Variants in MACROD2 observed in about 807,000 individuals in gnomAD.
MACROD2 encodes the protein ADP-ribose glycohydrolase MACROD2.
In MACROD2, 36 loss-of-function variants were observed where a neutral mutation model predicts 70.4. The observed-to-expected ratio is 0.51, with a 90% CI of 0.39 to 0.68. MACROD2 has a LOEUF of 0.68. MACROD2 is among the 30% of genes least tolerant of loss of function. The probability of loss-of-function intolerance (pLI) is 0.00; values close to 1 mark genes in which losing one functional copy is unlikely to be tolerated. For missense variants in MACROD2, 496 were observed against 538.4 expected (o/e 0.92, Z 0.78); for synonymous variants, 172 against 178.8 (o/e 0.96, Z 0.30).
intron 3 of MACROD2, among the ~76,000 whole-genome samples, chr20:14,250,593 T>C (rs1309658439): frequency 6.6e-6 from 1 of 152,178 alleles, no homozygotes; most frequent in Non-Finnish European, 1.5e-5. Context: ...AAATTCTTGA[T>C]TGGGGAATTG....
At chr20:15,018,087 G>A (rs913219192) in intron 5 of MACROD2, among the ~76,000 whole-genome samples, 6 of 152,070 alleles carry the variant, frequency 3.9e-5, no homozygotes, top group South Asian at 2.1e-4. Context: ...CTTTTCTATC[G>A]AATAGTCAGG....
In MACROD2 at chr20:15,895,659, G is replaced by A. The variant is rs1021732397; in HGVS notation, c.775+9848G>A. The stretch of plus-strand genomic sequence containing the variant: ...GGGCCTGGTGGCGGCAGCCTGGGCA[G>A]GAGGACCACAGCCGCTTATAAAAAA... On this transcript the variant is annotated intron_variant, in intron 10 of 17. Coordinates refer to ENST00000684519, the MANE Select transcript of MACROD2 (RefSeq NM_001351661.2). 4.6e-5 allele frequency among the ~76,000 whole-genome samples: 7 copies of A among 152,304 alleles called. No individual in the cohort carries two copies. The South Asian group carries it at 1.5e-3, about 32-fold the overall frequency.
chr20:14,194,592 C>G (rs891133010), intron 3 of MACROD2, among the ~76,000 whole-genome samples: 4 of 152,154 alleles, frequency 2.6e-5, no homozygotes, highest in East Asian at 1.9e-4. Context: ...TAACACAGCT[C>G]TAACTCCACT....
chr20:14,844,311 C>T (rs1008930604), intron 5 of MACROD2, among the ~76,000 whole-genome samples: 20 of 151,876 alleles, frequency 1.3e-4, no homozygotes, highest in East Asian at 1.9e-4. Flanking sequence ...GTTAGGAGTT[C>T]GAGACCAGCC....
At chr20:14,483,010 T>C (rs1202067656) in intron 3 of MACROD2, among the ~76,000 whole-genome samples, 2 of 152,196 alleles carry the variant, frequency 1.3e-5, no homozygotes, top group East Asian at 1.9e-4. Context: ...CTTCATTAGC[T>C]TCTTTGGGGG....
At chr20:15,121,525 A>AAAAG (rs1555784794) in intron 5 of MACROD2, among the ~76,000 whole-genome samples, 4 of 151,312 alleles carry the variant, frequency 2.6e-5, no homozygotes, top group African/African-American at 9.7e-5. Context: ...AAAAAAAAAA[A>AAAAG]AAAAAGAAAA....
chr20:14,938,940 A>ATTTTTTT (rs1230863391), intron 5 of MACROD2, among the ~76,000 whole-genome samples: 33 of 86,448 alleles, frequency 3.8e-4, no homozygotes, highest in East Asian at 1.3e-3. Context: ...GTTAAATCAG[A>ATTTTTTT]TTTTTTTTTT....
At chr20:15,000,700 A>T (rs2074988491) in intron 5 of MACROD2, among the ~76,000 whole-genome samples, 1 of 149,288 alleles carries the variant, frequency 6.7e-6, no homozygotes, top group South Asian at 2.1e-4. Context: ...GTGAAAGTTC[A>T]TCCAGCCATA....
chr20:15,418,651 G>C (rs1188805579), intron 6 of MACROD2, among the ~76,000 whole-genome samples: 1 of 152,150 alleles, frequency 6.6e-6, no homozygotes, highest in African/African-American at 2.4e-5. Flanking sequence ...ACCAGGGATT[G>C]ACTCAAAGCC....
chr20:14,926,225 T>A (rs939566053), intron 5 of MACROD2, among the ~76,000 whole-genome samples: 2 of 152,042 alleles, frequency 1.3e-5, no homozygotes, highest in African/African-American at 4.8e-5. Flanking sequence ...TTTTTGTTAA[T>A]TGAGAAATAT....
intron 12 of MACROD2, among the ~76,000 whole-genome samples, chr20:15,942,762 T>C (rs975075821): frequency 1.3e-5 from 2 of 152,142 alleles, no homozygotes; most frequent in African/African-American, 2.4e-5. Flanking sequence ...TTTTCAACAC[T>C]TCCAATAGCT....
chr20:15,585,284 G>A (rs944194665), intron 8 of MACROD2, among the ~76,000 whole-genome samples: 9 of 150,158 alleles, frequency 6.0e-5, no homozygotes, highest in African/African-American at 1.2e-4. Flanking sequence ...TGCAACCTCC[G>A]CCTCCTGGGT....
intron 13 of MACROD2, among the ~76,000 whole-genome samples, chr20:15,976,659 T>A (rs1476758092): frequency 4.6e-5 from 7 of 152,206 alleles, no homozygotes; most frequent in African/African-American, 9.7e-5. Flanking sequence ...CTTTGTGCAA[T>A]ACGCCAAAGC....
At chr20:16,009,865 C>A (rs1478553660) in intron 15 of MACROD2, among the ~76,000 whole-genome samples, 5 of 152,182 alleles carry the variant, frequency 3.3e-5, no homozygotes, top group Non-Finnish European at 7.3e-5. Context: ...AAAAACTCAA[C>A]ATCCCCAAAG....
At chr20:14,503,982 C>G (rs1462939370) in intron 4 of MACROD2, among the ~76,000 whole-genome samples, 1 of 152,242 alleles carries the variant, frequency 6.6e-6, no homozygotes, top group Non-Finnish European at 1.5e-5. Context: ...TAAGAATCTT[C>G]TAGCAGGCCT....
At chr20:15,310,702 C>G (rs74552501) in intron 6 of MACROD2, among the ~76,000 whole-genome samples, 1 of 152,012 alleles carries the variant, frequency 6.6e-6, no homozygotes, top group African/African-American at 2.4e-5. Flanking sequence ...TCAGTGATTC[C>G]AAGATCTTGC....
chr20:15,007,648 A>T (rs1291396222), intron 5 of MACROD2, among the ~76,000 whole-genome samples: 2 of 152,222 alleles, frequency 1.3e-5, no homozygotes, highest in Non-Finnish European at 2.9e-5. Context: ...TAAAAAGGGC[A>T]GGAGGATGAG....
At chr20:14,477,834 G>C (rs902021186) in intron 3 of MACROD2, among the ~76,000 whole-genome samples, 1 of 152,130 alleles carries the variant, frequency 6.6e-6, no homozygotes, top group Non-Finnish European at 1.5e-5. Context: ...AAGATGTTAA[G>C]GGATACTTTT....
intron 3 of MACROD2, among the ~76,000 whole-genome samples, chr20:14,292,879 C>A (rs1297390798): frequency 6.6e-6 from 1 of 151,882 alleles, no homozygotes; most frequent in Non-Finnish European, 1.5e-5. Context: ...AGGTGATCCG[C>A]CTGCCTTGGC....
Sources: allele counts gnomAD v4.1 joint callset (sites outside exome capture counted in the v4.1 genomes callset), GRCh38; gene constraint gnomAD v4.1.1; transcripts MANE v1.5; gene names NCBI Gene and HGNC (gene_info 2026-07-23, HGNC 2026-07-21).